Variants in CLYBL observed in about 807,000 individuals in gnomAD.
The protein encoded by CLYBL is citramalyl-CoA lyase, also known as citramalyl-CoA lyase, mitochondrial.
A neutral mutation model predicts 38.9 loss-of-function variants in CLYBL; 31 were observed. The ratio of observed to expected loss-of-function variants is 0.80; its 90% confidence interval spans 0.60 to 1.08. The LOEUF (loss-of-function observed/expected upper bound fraction) is 1.08. Among genes scored for constraint, CLYBL ranks in the 50% least tolerant of loss-of-function variants. The pLI, the probability that CLYBL is intolerant of heterozygous loss-of-function variation, is 0.00. For synonymous variants in CLYBL, 171 were observed against 158.6 expected (o/e 1.08, Z -0.59); for missense variants, 434 against 411.6 (o/e 1.05, Z -0.47).
intron 6 of CLYBL, among the ~76,000 whole-genome samples, chr13:99,867,821 C>T (rs2139237846): frequency 6.6e-6 from 1 of 152,294 alleles, no homozygotes; most frequent in East Asian, 1.9e-4. Flanking sequence ...AAAGAGAAAG[C>T]ACTGCATCGA....
intron 1 of CLYBL, among the ~76,000 whole-genome samples, chr13:99,634,461 T>C (rs1036767296): frequency 1.3e-5 from 2 of 152,172 alleles, no homozygotes; most frequent in Non-Finnish European, 2.9e-5. Context: ...TCTGTGTTGA[T>C]GTAAACATGT....
At chr13:99,619,267 C>T (rs2046759297) in intron 1 of CLYBL, among the ~76,000 whole-genome samples, 1 of 152,164 alleles carries the variant, frequency 6.6e-6, no homozygotes, top group Admixed American at 6.5e-5. Context: ...GTTTTCCAGT[C>T]TTGCCCTTCC....
In CLYBL at chr13:99,819,416, TTATATATATATATATATATATATATA is replaced by T. The variant is rs71715024; in HGVS notation, c.250-39418_250-39393del. Among the ~76,000 whole-genome samples the T allele has an allele frequency of 5.9e-3, 108 of 18,386 alleles. 4 individuals are homozygous for T. Among genetic ancestry groups the T allele is most frequent in the Admixed American group, 0.013 (17 of 1,352 alleles). 12.1% of individuals were successfully genotyped at this position (18,386 alleles called of 152,430 possible). ...ACTTGTATTATCACTGGGAAAAAAT[TTATATATATATATATATATATATATA>T]TATATATATATATATATATATATAT... On this transcript the variant is annotated intron_variant, in intron 2 of 8. Coordinates refer to ENST00000339105, the MANE Select transcript of CLYBL (RefSeq NM_206808.5).
At chr13:99,636,889 C>CT (rs149042929) in intron 1 of CLYBL, among the ~76,000 whole-genome samples, 9 of 148,632 alleles carry the variant, frequency 6.1e-5, no homozygotes, top group South Asian at 2.1e-4. Flanking sequence ...CTAATTTAAA[C>CT]TTTTTTTTTT....
chr13:99,821,053 T>G (rs1468552568), intron 2 of CLYBL, among the ~76,000 whole-genome samples: 1 of 152,240 alleles, frequency 6.6e-6, no homozygotes, highest in Non-Finnish European at 1.5e-5. Flanking sequence ...AAATGCTTTA[T>G]ATGATGTAGA....
intron 2 of CLYBL, among the ~76,000 whole-genome samples, chr13:99,786,452 C>T (rs531270766): frequency 2.6e-5 from 4 of 151,882 alleles, no homozygotes; most frequent in Non-Finnish European, 4.4e-5. Context: ...TGAGAACATG[C>T]GGTGTTTGGT....
At chr13:99,777,337 C>T (rs2049539928) in intron 2 of CLYBL, among the ~76,000 whole-genome samples, 1 of 152,154 alleles carries the variant, frequency 6.6e-6, no homozygotes, top group Admixed American at 6.6e-5. Flanking sequence ...TACCTTCTCC[C>T]TCAATACCTC....
At chr13:99,678,183 A>G (rs1450444522) in intron 1 of CLYBL, among the ~76,000 whole-genome samples, 1 of 152,228 alleles carries the variant, frequency 6.6e-6, no homozygotes, top group Admixed American at 6.5e-5. Context: ...CTTCTTAACC[A>G]TACGGCTGAA....
intron 1 of CLYBL, chr13:99,727,333 A>G (rs1370500914): frequency 6.6e-6 from 1 of 151,968 alleles, no homozygotes; most frequent in Non-Finnish European, 1.5e-5. Context: ...TGGCGTGGTA[A>G]TTGCTGAGAA....
chr13:99,790,053 G>T (rs1324626311), intron 2 of CLYBL, among the ~76,000 whole-genome samples: 1 of 151,996 alleles, frequency 6.6e-6, no homozygotes, highest in Non-Finnish European at 1.5e-5. Context: ...TTGCTTGGTA[G>T]ATCTTCCTCC....
At chr13:99,740,529 C>T (rs149495857) in intron 1 of CLYBL, among the ~76,000 whole-genome samples, 163 of 152,294 alleles carry the variant, frequency 1.1e-3, no homozygotes, top group Admixed American at 2.4e-3. Flanking sequence ...TTCCCCTCTC[C>T]GTCTGTCTTG....
chr13:99,654,135 T>G, intron 1 of CLYBL, among the ~76,000 whole-genome samples: 1 of 152,170 alleles, frequency 6.6e-6, no homozygotes, highest in Admixed American at 6.5e-5. Context: ...ATGGGGACAC[T>G]ATATTTCTGC....
At chr13:99,810,186 T>C (rs2050312939) in intron 2 of CLYBL, among the ~76,000 whole-genome samples, 2 of 152,356 alleles carry the variant, frequency 1.3e-5, no homozygotes, top group South Asian at 4.1e-4. Flanking sequence ...GGAAAGTAAG[T>C]GTAGCTCCTC....
chr13:99,767,166 A>G (rs1047185700), intron 1 of CLYBL, among the ~76,000 whole-genome samples: 17 of 152,220 alleles, frequency 1.1e-4, no homozygotes, highest in Admixed American at 4.6e-4. Context: ...GGTGATCGGC[A>G]TAATGTGGGG....
At chr13:99,871,087 G>A (rs2051881488) in intron 7 of CLYBL, 25 bp downstream of exon 7, 5 of 1,611,880 alleles carry the variant, frequency 3.1e-6, no homozygotes, top group Non-Finnish European at 3.4e-6. Flanking sequence ...AATGCCTTGG[G>A]TGAGAGCAGT....
chr13:99,737,084 T>G (rs942982011), intron 1 of CLYBL, among the ~76,000 whole-genome samples: 4 of 152,142 alleles, frequency 2.6e-5, no homozygotes, highest in Non-Finnish European at 1.5e-5. Flanking sequence ...TAAGCCCAAA[T>G]TTATATATAG....
At chr13:99,660,028 A>G (rs1161452617) in intron 1 of CLYBL, among the ~76,000 whole-genome samples, 1 of 152,168 alleles carries the variant, frequency 6.6e-6, no homozygotes, top group African/African-American at 2.4e-5. Context: ...GGAGATAGCG[A>G]TGTTATTTTC....
At chr13:99,732,169 GTTT>G (rs35027014) in intron 1 of CLYBL, among the ~76,000 whole-genome samples, 6 of 90,754 alleles carry the variant, frequency 6.6e-5, no homozygotes, top group Non-Finnish European at 1.0e-4. Context: ...TTATATGGCA[GTTT>G]TTTTTTTTTT....
chr13:99,770,221 G>A (rs962641982), intron 1 of CLYBL, among the ~76,000 whole-genome samples: 6 of 151,818 alleles, frequency 4.0e-5, no homozygotes, highest in African/African-American at 1.5e-4. Context: ...CCAAGTAGCT[G>A]GAATTACAGG....
Sources: allele counts gnomAD v4.1 joint callset (sites outside exome capture counted in the v4.1 genomes callset), GRCh38; gene constraint gnomAD v4.1.1; transcripts MANE v1.5; gene names NCBI Gene and HGNC (gene_info 2026-07-23, HGNC 2026-07-21).